Variants in FHL2 observed in about 807,000 individuals in gnomAD.
The protein encoded by FHL2 is four and a half LIM domains protein 2.
In FHL2, 20 loss-of-function variants were observed where a neutral mutation model predicts 32.7. The observed-to-expected ratio is 0.61, with a 90% CI of 0.43 to 0.89. FHL2 has a LOEUF of 0.89. Among genes scored for constraint, FHL2 ranks in the 40% least tolerant of loss-of-function variants. FHL2 has a pLI of 0.00. For missense variants in FHL2, 311 were observed against 358.6 expected, an observed-to-expected ratio of 0.87 and a Z score of 1.07; for synonymous variants, 123 against 128.1, an observed-to-expected ratio of 0.96 and a Z score of 0.27.
chr2:105,373,725 A>G lies in FHL2; in HGVS notation c.165T>C (p.Ser55=), dbSNP rs564580687. The G allele has an allele frequency of 7.4e-6, 12 of 1,613,792 alleles. No homozygotes were observed. In the South Asian group the frequency reaches 1.3e-4, roughly 18 times the overall value. ...KPIGCDCKDL[S]YKDRHWHEAC... ...CTTCATGCCAGTGCCGGTCCTTGTA[A>G]GACAAGTCCTGTGGGGCCAGACCAC... Residue 55 remains serine, a synonymous_variant, in exon 4 of 7, where the codon TCT becomes TCC. Transcript: ENST00000530340.
chr2:105,414,027 A>G (rs949410861), intron 1 of FHL2, among the ~76,000 whole-genome samples: 1 of 152,178 alleles, frequency 6.6e-6, no homozygotes, highest in African/African-American at 2.4e-5. Flanking sequence ...GTTGTCACCT[A>G]TACTTCTGAC....
chr2:105,373,562 G>T lies in FHL2; in HGVS notation c.328C>A (p.Pro110Thr). ...KCQECKKTIM[P>T]GTRKMEYKGS... ...TGAGAAAGGAGTGCCTCCTGACCTGGCATGATGGTCTTCTTGCATTCCTGG... is the reference window on the plus strand; with the variant it reads ...TGAGAAAGGAGTGCCTCCTGACCTGTCATGATGGTCTTCTTGCATTCCTGG... Residue 110 changes from proline (P) to threonine (T), a missense_variant, in exon 4 of 7, where the codon CCA becomes ACA. By Grantham distance (38) the Pro-to-Thr change is conservative (BLOSUM62 -1). Transcript: ENST00000530340. 2 of 1,614,194 alleles carry T rather than the reference G, an allele frequency of 1.2e-6. No individual in the cohort carries two copies. The highest frequency in any genetic ancestry group is 1.7e-6 in the Non-Finnish European group (2 of 1,180,026).
rs137869171 is a variant in FHL2, at chr2:105,363,295, G to T, written c.678C>A (p.Asn226Lys). 1.5e-5 allele frequency: 25 copies of T among 1,614,134 alleles called. No homozygotes were observed. The highest frequency in any genetic ancestry group is 2.1e-5 in the Non-Finnish European group (25 of 1,179,998). ...LYAKKCAGCT[N>K]PISGLGGTKY... ...CCCCGGGACACTCACCGCTGATGGG[G>T]TTGGTGCACCCAGCACACTTCTTGG... The change falls in exon 6 of 7, where the codon AAC (asparagine) becomes AAA (lysine). Residue 226 changes from asparagine (N) to lysine (K), a missense_variant. Asn to Lys is a moderately conservative substitution (Grantham distance 94). Coordinates refer to ENST00000530340, the MANE Select transcript of FHL2 (RefSeq NM_001318895.3).
Position 105,361,385 on chromosome 2 carries a change from G to C in FHL2, c.738C>G (p.Asn246Lys). 1 of 1,614,108 alleles carries C rather than the reference G, an allele frequency of 6.2e-7. No homozygotes were observed. ...YISFEERQWH[N>K]DCFNCKKCSL... ...AGCACTTCTTACAGTTAAAGCAGTC[G>C]TTATGCCACTGCCGTTCCTCAAAGG... is the stretch of plus-strand genomic sequence containing the variant. The change falls in exon 7 of 7, where the codon AAC (asparagine) becomes AAG (lysine). Residue 246 changes from asparagine to lysine, a missense_variant. Transcript: ENST00000530340.
In FHL2 at chr2:105,391,203, A is replaced by G. The variant is rs180696012; in HGVS notation, c.-24-4663T>C. ...TTGGTTGAGCTGGAACTATGTGTCT[A>G]AAGTCATGAAAAGTGCAGAAGATAC... On this transcript the variant is annotated intron_variant, in intron 2 of 6. Transcript: ENST00000530340. 3.4e-4 allele frequency among the ~76,000 whole-genome samples: 52 copies of G among 152,232 alleles called. No homozygotes were observed. In the East Asian group the frequency reaches 7.7e-3, roughly 23 times the overall value.
At chr2:105,393,103 A>C (rs905573158) in intron 2 of FHL2, among the ~76,000 whole-genome samples, 2 of 151,794 alleles carry the variant, frequency 1.3e-5, no homozygotes, top group Non-Finnish European at 2.9e-5. Flanking sequence ...GCAGATCCCT[A>C]CAGGTAAAGC....
At chr2:105,385,604 G>T (rs1375415768) in intron 3 of FHL2, among the ~76,000 whole-genome samples, 1 of 152,196 alleles carries the variant, frequency 6.6e-6, no homozygotes, top group Admixed American at 6.5e-5. Flanking sequence ...GCCACATGAG[G>T]GGTTTCACTG....
intron 1 of FHL2, among the ~76,000 whole-genome samples, chr2:105,422,642 C>T (rs1290863269): frequency 1.1e-5 from 1 of 90,322 alleles, no homozygotes; most frequent in African/African-American, 5.1e-5. Flanking sequence ...TGATTCATCT[C>T]TGGCAAAAAA....
At chr2:105,373,827 A>C in intron 3 of FHL2, 94 bp from the exon 4 acceptor site, 1 of 1,337,188 alleles carries the variant, frequency 7.5e-7, no homozygotes, top group Non-Finnish European at 1.1e-6. Context: ...AGGGCAAACA[A>C]GGAAAGAAGT....
Position 105,411,104 on chromosome 2 carries a change from C to T in FHL2, c.-24-24564G>A, listed in dbSNP as rs139614865. On this transcript the variant is annotated intron_variant, in intron 1 of 5. Transcript: ENST00000393352. ...TGACCCAACATAAGAGAAGTACCAGCGAGCCTCTGTGGACACAGGTGTGTG... is the reference window on the plus strand; with the variant it reads ...TGACCCAACATAAGAGAAGTACCAGTGAGCCTCTGTGGACACAGGTGTGTG... Among the ~76,000 whole-genome samples, 501 of 152,270 alleles carry T rather than the reference C, an allele frequency of 3.3e-3. 2 individuals carry two copies. Among genetic ancestry groups the T allele is most frequent in the African/African-American group, 0.012 (483 of 41,552 alleles).
In FHL2 at chr2:105,375,352, T is replaced by C. The variant is rs1487564556; in HGVS notation, c.157-1619A>G. 2.0e-5 allele frequency: 3 copies of C among 152,256 alleles called. No homozygotes were observed. In the East Asian group the frequency reaches 5.8e-4, roughly 29 times the overall value. The allele number at this position is 152,256 out of a possible 1,614,324, so 9.4% of individuals were successfully genotyped here. A position where few individuals can be genotyped will look rare whatever the true frequency, so the allele number is the denominator to read the frequency against. The stretch of plus-strand genomic sequence containing the variant: ...GGGGTGACCTCTTGTGCTATCCCTG[T>C]TGGAAGTTTGCTTCCTAGAACATCT... On this transcript the variant is annotated intron_variant, in intron 3 of 6. Coordinates refer to ENST00000530340, the MANE Select transcript of FHL2 (RefSeq NM_001318895.3).
At chr2:105,403,618 C>T (rs72836926), upstream of FHL2, among the ~76,000 whole-genome samples, 30,550 of 152,154 alleles carry the variant, frequency 0.2, 3,194 homozygotes, top group South Asian at 0.25. Flanking sequence ...AGGCCAGCTC[C>T]TGCTTTAACA....
chr2:105,392,355 T>G (rs1682790781), intron 2 of FHL2, among the ~76,000 whole-genome samples: 1 of 152,068 alleles, frequency 6.6e-6, no homozygotes, highest in Non-Finnish European at 1.5e-5. Flanking sequence ...GCATTTGTAG[T>G]CCCTACTACT....
intron 1 of FHL2, among the ~76,000 whole-genome samples, chr2:105,419,036 T>G (rs1238571092): frequency 1.3e-5 from 2 of 152,156 alleles, no homozygotes; most frequent in East Asian, 1.9e-4. Flanking sequence ...GTGTGTAATA[T>G]TTGTATACAA....
In FHL2 at chr2:105,426,003, C is replaced by T. The variant is rs139443105; in HGVS notation, c.-25+12396G>A. Reference sequence around the variant, plus strand: ...TGTCTTATTTCTTTTCTCAGTCTCTCGTCCCACCCAACTAGAAATACCCAC... The same window carrying T: ...TGTCTTATTTCTTTTCTCAGTCTCTTGTCCCACCCAACTAGAAATACCCAC... On this transcript the variant is annotated intron_variant, in intron 1 of 5. Transcript: ENST00000393352. Among the ~76,000 whole-genome samples, 506 of 152,276 alleles carry T rather than the reference C, an allele frequency of 3.3e-3. 2 individuals are homozygous for T. The highest frequency in any genetic ancestry group is 0.027 in the Middle Eastern group (8 of 294).
intron 4 of FHL2, among the ~76,000 whole-genome samples, chr2:105,369,390 A>G (rs1383802787): frequency 6.6e-6 from 1 of 152,220 alleles, no homozygotes; most frequent in Non-Finnish European, 1.5e-5. Context: ...TCCTCCAGTA[A>G]TTAGGAATGT....
At chr2:105,436,528 G>A (rs1684616292) in intron 1 of FHL2, among the ~76,000 whole-genome samples, 1 of 152,054 alleles carries the variant, frequency 6.6e-6, no homozygotes, top group African/African-American at 2.4e-5. Flanking sequence ...TAAATTGGAA[G>A]AAAGAAGATT....
Position 105,410,540 on chromosome 2 carries a change from T to C in FHL2, c.-24-24000A>G, listed in dbSNP as rs141471125. On this transcript the variant is annotated intron_variant, in intron 1 of 5. Coordinates refer to the FHL2 transcript ENST00000393352. ...TGGTGCTAAGCTACCTACTAGCAGA[T>C]TTAGCAGGGTGATGCCTTTTGAAGT... Among the ~76,000 whole-genome samples, 435 of 152,304 alleles carry C rather than the reference T, an allele frequency of 2.9e-3. 2 individuals carry two copies. Among genetic ancestry groups the C allele is most frequent in the Middle Eastern group, 6.8e-3 (2 of 294 alleles).
rs754663221 is a variant in FHL2, at chr2:105,363,484, G to A, written c.502-13C>T. 4.4e-6 allele frequency: 7 copies of A among 1,595,438 alleles called. No homozygotes were observed. Among genetic ancestry groups the A allele is most frequent in the Non-Finnish European group, 6.0e-6 (7 of 1,170,608 alleles). ...CCGTGGTGATGGGCTGCAGGGACGA[G>A]GGGGAGAGTTAGTGTGGCCTCTGTG... is the stretch of plus-strand genomic sequence containing the variant. On this transcript the variant is annotated splice_polypyrimidine_tract_variant and intron_variant, in intron 5 of 6. Transcript: ENST00000530340.
Sources: allele counts gnomAD v4.1 joint callset (sites outside exome capture counted in the v4.1 genomes callset), GRCh38; gene constraint gnomAD v4.1.1; transcripts MANE v1.5; gene names NCBI Gene and HGNC (gene_info 2026-07-23, HGNC 2026-07-21).